ARHGAP10: variants seen among roughly 807,000 people sequenced by gnomAD.
ARHGAP10 encodes rho GTPase-activating protein 10.
A neutral mutation model predicts 108.6 loss-of-function variants in ARHGAP10; 87 were observed. That is an observed-to-expected ratio of 0.80 (90% CI 0.67 to 0.96). The LOEUF is 0.96. ARHGAP10 is among the 40% of genes least tolerant of loss of function. ARHGAP10 has a pLI of 0.00. For synonymous variants in ARHGAP10, 347 were observed against 341.1 expected (o/e 1.02, Z -0.19); for missense variants, 939 against 954.5 (o/e 0.98, Z 0.21).
chr4:147,925,953 C>G (rs1393982624), intron 13 of ARHGAP10, among the ~76,000 whole-genome samples: 3 of 152,158 alleles, frequency 2.0e-5, no homozygotes, highest in East Asian at 1.9e-4. Flanking sequence ...AGCAAGGAAG[C>G]CTTTTGCTCT....
At chr4:148,049,832 TG>T (rs1330334596) in intron 20 of ARHGAP10, among the ~76,000 whole-genome samples, 81 of 17,058 alleles carry the variant, frequency 4.7e-3, no homozygotes, top group East Asian at 0.016. Flanking sequence ...TTTTTTTGGG[TG>T]GGGGGGCGGG....
chr4:147,824,666 CA>C (rs1260492671), intron 3 of ARHGAP10, among the ~76,000 whole-genome samples: 3 of 152,076 alleles, frequency 2.0e-5, no homozygotes, highest in Non-Finnish European at 4.4e-5. Context: ...TGAGTGCAGG[CA>C]GGGGAAATGC....
intron 18 of ARHGAP10, among the ~76,000 whole-genome samples, chr4:148,016,120 G>A (rs1297932193): frequency 2.0e-5 from 3 of 152,182 alleles, no homozygotes; most frequent in African/African-American, 4.8e-5. Context: ...AGTTGCAACT[G>A]TTATTATTTG....
intron 18 of ARHGAP10, among the ~76,000 whole-genome samples, chr4:147,980,373 C>A (rs555386957): frequency 6.6e-6 from 1 of 152,212 alleles, no homozygotes; most frequent in African/African-American, 2.4e-5. Flanking sequence ...ACTGCTACAT[C>A]CCAGGAATAA....
chr4:148,047,816 G>T (rs1002394436), intron 20 of ARHGAP10, among the ~76,000 whole-genome samples: 1 of 152,100 alleles, frequency 6.6e-6, no homozygotes, highest in Non-Finnish European at 1.5e-5. Context: ...TTCATCCAGA[G>T]AATCTTTTTT....
chr4:147,944,592 A>G (rs183926981), intron 14 of ARHGAP10, among the ~76,000 whole-genome samples: 4 of 152,294 alleles, frequency 2.6e-5, no homozygotes, highest in Admixed American at 2.6e-4. Context: ...CCATTTTGAC[A>G]GGTTTTTCTT....
Position 148,039,368 on chromosome 4 carries a change from ATTTTTTTTTTTTTTTT to A in ARHGAP10, c.1868-7510_1868-7495del, listed in dbSNP as rs34876546. ...TTAATACTTTAAGAATACTACTTCA[ATTTTTTTTTTTTTTTT>A]TTTTTTTTTTTTTGAGATAGAGTCT... On this transcript the variant is annotated intron_variant, in intron 19 of 22. Coordinates refer to ENST00000336498, the MANE Select transcript of ARHGAP10 (RefSeq NM_024605.4). 1.5e-4 allele frequency among the ~76,000 whole-genome samples: 11 copies of A among 73,088 alleles called. No individual in the cohort carries two copies. In the East Asian group the frequency reaches 1.8e-3, roughly 12 times the overall value. 47.9% of individuals were successfully genotyped at this position (73,088 alleles called of 152,430 possible).
rs1452483622 is a variant in ARHGAP10, at chr4:147,897,117, C to CT, written c.1035-9515dup. Among the ~76,000 whole-genome samples the CT allele has an allele frequency of 1.2e-4, 19 of 152,042 alleles. No individual in the cohort carries two copies. In the South Asian group the frequency reaches 2.5e-3, roughly 20 times the overall value. ...TTCTTATACTGTTCGTACAGCATGTCTTTTTTCACCCTTTTCCTTTTATCT... is the reference window on the plus strand; with the variant it reads ...TTCTTATACTGTTCGTACAGCATGTCTTTTTTTCACCCTTTTCCTTTTATCT... On this transcript the variant is annotated intron_variant, in intron 10 of 22. Coordinates refer to ENST00000336498, the MANE Select transcript of ARHGAP10 (RefSeq NM_024605.4).
chr4:148,069,372 TG>T (rs1308484577), intron 22 of ARHGAP10, among the ~76,000 whole-genome samples: 1 of 151,918 alleles, frequency 6.6e-6, no homozygotes, highest in Non-Finnish European at 1.5e-5. Context: ...CTCTCCCTAC[TG>T]GCTTCTGCCT....
In ARHGAP10 at chr4:147,793,510, G is replaced by T. The variant is rs76953492; in HGVS notation, c.155-29217G>T. Reference sequence around the variant, plus strand: ...AAAGAATGGGGCCTTGAAAGGAGGAGTTGGACCTGGGATCTCCCCGCATAG... The same window carrying T: ...AAAGAATGGGGCCTTGAAAGGAGGATTTGGACCTGGGATCTCCCCGCATAG... On this transcript the variant is annotated intron_variant, in intron 1 of 22. Coordinates refer to ENST00000336498, the MANE Select transcript of ARHGAP10 (RefSeq NM_024605.4). Among the ~76,000 whole-genome samples the T allele has an allele frequency of 6.9e-3, 1,047 of 152,018 alleles. 15 individuals are homozygous for T. Among genetic ancestry groups the T allele is most frequent in the African/African-American group, 0.024 (999 of 41,436 alleles).
intron 14 of ARHGAP10, among the ~76,000 whole-genome samples, chr4:147,940,143 C>G (rs1415896243): frequency 1.3e-5 from 2 of 152,206 alleles, no homozygotes; most frequent in Admixed American, 1.3e-4. Context: ...TGACTATCTT[C>G]CTGTGCTTGC....
intron 19 of ARHGAP10, among the ~76,000 whole-genome samples, chr4:148,045,762 AAAAG>A (rs1258629022): frequency 1.3e-5 from 2 of 151,620 alleles, no homozygotes; most frequent in African/African-American, 2.4e-5. Flanking sequence ...AAAAAAAAAA[AAAAG>A]AAATCCATCT....
chr4:147,844,403 TTG>T (rs1288012905), intron 3 of ARHGAP10, among the ~76,000 whole-genome samples: 2 of 152,200 alleles, frequency 1.3e-5, no homozygotes, highest in Non-Finnish European at 2.9e-5. Context: ...GGTCACTCTG[TTG>T]TGTTATCAAA....
Position 147,946,645 on chromosome 4 carries a change from G to A in ARHGAP10, c.1332G>A (p.Leu444=), listed in dbSNP as rs1379964118. Residue 444 remains leucine (L), a synonymous_variant, in exon 15 of 23, where the codon CTG becomes CTA. Coordinates refer to ENST00000336498, the MANE Select transcript of ARHGAP10 (RefSeq NM_024605.4). ...MDVKTCNEVD[L]ENSADWEVKT... ...TAAAAACATGCAATGAGGTGGACCT[G>A]GAGAATTCTGCAGATTGGGAAGTGA... 1.2e-6 allele frequency: 2 copies of A among 1,612,542 alleles called. No homozygotes were observed. The highest frequency in any genetic ancestry group is 2.7e-5 in the African/African-American group (2 of 74,842).
chr4:148,068,709 G>T lies in ARHGAP10; in HGVS notation c.2273-3284G>T, dbSNP rs115992530. ...GCCTCGGGGTGGGAGATAGGACAGA[G>T]CCCAGGACGCAGCCTCCCTGTGGGT... On this transcript the variant is annotated intron_variant, in intron 22 of 22. Transcript: ENST00000336498. Among the ~76,000 whole-genome samples, 441 of 152,300 alleles carry T rather than the reference G, an allele frequency of 2.9e-3. 1 individual carries two copies. Among genetic ancestry groups the T allele is most frequent in the African/African-American group, 0.01 (424 of 41,556 alleles).
chr4:147,912,537 A>G (rs1193758249), intron 12 of ARHGAP10, among the ~76,000 whole-genome samples: 2 of 136,904 alleles, frequency 1.5e-5, no homozygotes, highest in Non-Finnish European at 3.0e-5. Context: ...CAAAAAACAA[A>G]CAAACAAACA....
chr4:147,800,061 T>C (rs562147404), intron 1 of ARHGAP10, among the ~76,000 whole-genome samples: 1 of 152,200 alleles, frequency 6.6e-6, no homozygotes, highest in Admixed American at 6.5e-5. Context: ...GCCTTTGTGG[T>C]GTTTGTCTGC....
intron 4 of ARHGAP10, among the ~76,000 whole-genome samples, chr4:147,856,049 G>A (rs1734071480): frequency 1.3e-5 from 2 of 152,178 alleles, no homozygotes; most frequent in African/African-American, 4.8e-5. Flanking sequence ...GGTGTGGAGA[G>A]TTAGGGAGAA....
intron 5 of ARHGAP10, chr4:147,863,546 G>C (rs771568016): frequency 1.3e-5 from 2 of 152,136 alleles, no homozygotes; most frequent in Non-Finnish European, 2.9e-5. Context: ...CTATGAACAG[G>C]GGTGTACACA....
Sources: gnomAD v4.1 joint callset for allele counts (sites outside exome capture counted in the v4.1 genomes callset) on GRCh38, gnomAD v4.1.1 for gene constraint, MANE v1.5 for transcripts, NCBI Gene and HGNC (gene_info 2026-07-23, HGNC 2026-07-21) for gene names.